Variants in PACS1 observed in about 807,000 individuals in gnomAD.
PACS1 encodes the protein phosphofurin acidic cluster sorting protein 1, also known as PACS-1.
Under a neutral mutation model 115.0 loss-of-function variants are expected in PACS1, and 24 were observed. The observed-to-expected ratio is 0.21, with a 90% CI of 0.15 to 0.29. PACS1 has a LOEUF of 0.29. PACS1 is among the 10% of genes least tolerant of loss of function. The pLI is 1.00. For missense variants in PACS1, 838 were observed against 1,251.2 expected, an observed-to-expected ratio of 0.67 and a Z score of 4.98; for synonymous variants, 453 against 504.5, an observed-to-expected ratio of 0.90 and a Z score of 1.37.
intron 1 of PACS1, among the ~76,000 whole-genome samples, chr11:66,124,517 T>C (rs1010381512): frequency 6.6e-6 from 1 of 152,336 alleles, no homozygotes; most frequent in East Asian, 1.9e-4. Flanking sequence ...GGGTCCACGT[T>C]TATGTATTGA....
At chr11:66,168,068 T>C (rs1169683545) in intron 1 of PACS1, among the ~76,000 whole-genome samples, 2 of 149,894 alleles carry the variant, frequency 1.3e-5, no homozygotes, top group African/African-American at 5.1e-5. Context: ...GCCTGGCTAC[T>C]TTTTAAAAAT....
At position 66,183,716 on chromosome 11, in the gene PACS1, G is replaced by T. The variant is rs114930806; in HGVS notation, c.357-9770G>T. On this transcript the variant is annotated intron_variant, in intron 1 of 23. Coordinates refer to ENST00000320580, the MANE Select transcript of PACS1 (RefSeq NM_018026.4). Reference sequence around the variant, plus strand: ...GCTTTATTGAGGTGGCAGTGTTACAGCACCGTGACTGCTCTGCAGAGCAGG... The same window carrying T: ...GCTTTATTGAGGTGGCAGTGTTACATCACCGTGACTGCTCTGCAGAGCAGG... 3.8e-3 allele frequency among the ~76,000 whole-genome samples: 573 copies of T among 152,316 alleles called. 3 individuals carry two copies. The highest frequency in any genetic ancestry group is 0.013 in the African/African-American group (541 of 41,556).
intron 9 of PACS1, 76 bp downstream of exon 9, chr11:66,220,867 G>A: frequency 6.9e-7 from 1 of 1,448,260 alleles, no homozygotes. Context: ...CTCCCTCGCT[G>A]TCCCCTCTAT....
Position 66,216,590 on chromosome 11 carries a change from T to C in PACS1, c.876T>C (p.Ser292=), listed in dbSNP as rs1297349024. The change falls in exon 6 of 24, where the codon AGT becomes AGC. Residue 292 remains serine (S), a synonymous_variant. Coordinates refer to ENST00000320580, the MANE Select transcript of PACS1 (RefSeq NM_018026.4). ...EESFSSEQEG[S]DDPLHGQDLF... ...GTTTCTCATCAGAACAGGAAGGCAG[T>C]GATGATCCATTGCATGGGCAGGTAA... 3 of 1,614,056 alleles carry C rather than the reference T, an allele frequency of 1.9e-6. No individual in the cohort carries two copies. Among genetic ancestry groups the C allele is most frequent in the Non-Finnish European group, 2.5e-6 (3 of 1,179,872 alleles).
intron 1 of PACS1, among the ~76,000 whole-genome samples, chr11:66,075,586 T>C (rs1857380701): frequency 6.6e-6 from 1 of 152,186 alleles, no homozygotes; most frequent in African/African-American, 2.4e-5. Context: ...TTACTTACCA[T>C]CCATTCTTAG....
At chr11:66,102,388 G>A (rs893318700) in intron 1 of PACS1, among the ~76,000 whole-genome samples, 2 of 151,754 alleles carry the variant, frequency 1.3e-5, no homozygotes, top group African/African-American at 2.4e-5. Context: ...GCAGTGGTGC[G>A]ATCTCGGCTC....
chr11:66,130,291 C>A (rs571576242), intron 1 of PACS1, among the ~76,000 whole-genome samples: 3 of 152,208 alleles, frequency 2.0e-5, no homozygotes, highest in African/African-American at 7.2e-5. Context: ...CCCTTCCTTA[C>A]CTGGTAAGTC....
chr11:66,135,119 G>A (rs1422774155), intron 1 of PACS1, among the ~76,000 whole-genome samples: 2 of 152,032 alleles, frequency 1.3e-5, no homozygotes, highest in African/African-American at 4.8e-5. Flanking sequence ...AGGATGGCTT[G>A]AACCCGGGAT....
chr11:66,104,827 A>G (rs1183007257), intron 1 of PACS1, among the ~76,000 whole-genome samples: 2 of 152,164 alleles, frequency 1.3e-5, no homozygotes, highest in African/African-American at 4.8e-5. Context: ...ATTTGATTTT[A>G]TATTGTGAAC....
chr11:66,143,662 CAG>C (rs1416982317), intron 1 of PACS1, among the ~76,000 whole-genome samples: 1 of 152,102 alleles, frequency 6.6e-6, no homozygotes, highest in African/African-American at 2.4e-5. Context: ...TTTTTTAAGA[CAG>C]AGTCTTACTC....
chr11:66,242,818 C>T (rs1045357517), intron 22 of PACS1, 94 bp from the exon 23 acceptor site: 5 of 1,561,600 alleles, frequency 3.2e-6, no homozygotes, highest in African/African-American at 1.4e-5. Flanking sequence ...ATCACCTCCC[C>T]TCGCCACAGG....
At chr11:66,194,253 C>T (rs938276737) in intron 2 of PACS1, among the ~76,000 whole-genome samples, 3 of 152,108 alleles carry the variant, frequency 2.0e-5, no homozygotes, top group East Asian at 1.9e-4. Context: ...CGTGAGCCAC[C>T]GCGCCCAGCC....
intron 1 of PACS1, among the ~76,000 whole-genome samples, chr11:66,146,743 T>C (rs1859132822): frequency 6.6e-6 from 1 of 152,174 alleles, no homozygotes; most frequent in Admixed American, 6.5e-5. Context: ...GGTCAAATAA[T>C]TGACAGGCAA....
At chr11:66,152,151 T>C (rs1425771036) in intron 1 of PACS1, among the ~76,000 whole-genome samples, 2 of 152,100 alleles carry the variant, frequency 1.3e-5, no homozygotes, top group African/African-American at 4.8e-5. Flanking sequence ...GGAGGATCGT[T>C]TGAGCCCAAG....
At chr11:66,085,596 G>A (rs2134505456) in intron 1 of PACS1, among the ~76,000 whole-genome samples, 1 of 152,274 alleles carries the variant, frequency 6.6e-6, no homozygotes, top group African/African-American at 2.4e-5. Flanking sequence ...TTGATGAAGT[G>A]AGTAGTATAA....
At chr11:66,214,408 C>T (rs1456188748) in intron 4 of PACS1, among the ~76,000 whole-genome samples, 1 of 152,088 alleles carries the variant, frequency 6.6e-6, no homozygotes, top group Non-Finnish European at 1.5e-5. Flanking sequence ...TAGGCCTGGC[C>T]TCACCCAGAC....
intron 1 of PACS1, chr11:66,120,981 C>T (rs1236531500): frequency 4.4e-6 from 2 of 456,034 alleles, no homozygotes; most frequent in Non-Finnish European, 4.4e-6. Context: ...CGGGCCCTAC[C>T]TCCTCCTTTT....
At chr11:66,189,886 G>T (rs1241563647) in intron 1 of PACS1, among the ~76,000 whole-genome samples, 1 of 152,158 alleles carries the variant, frequency 6.6e-6, no homozygotes, top group South Asian at 2.1e-4. Context: ...GAGAAACTAG[G>T]GGAAAGGCAC....
rs1857297453 is a variant in PACS1 at position 66,070,908 on chromosome 11, C to T, written c.356+66C>T. The T allele has an allele frequency of 3.0e-6, 4 of 1,347,850 alleles. No homozygotes were observed. Among genetic ancestry groups the T allele is most frequent in the South Asian group, 3.4e-5 (2 of 57,990 alleles). 83.5% of individuals were successfully genotyped at this position (1,347,850 alleles called of 1,614,324 possible). On this transcript the variant is annotated intron_variant, in intron 1 of 23. Coordinates refer to ENST00000320580, the MANE Select transcript of PACS1 (RefSeq NM_018026.4). The surrounding 1 kb of genome is among the most constrained non-coding windows in gnomAD (Gnocchi z 5.9). The stretch of plus-strand genomic sequence containing the variant: ...GTGGCCGCCGGGGCCCAGCCCTCCC[C>T]GCCCCAGCGCCCATGGGGTCCCCGC...
Sources: gnomAD v4.1 joint callset for allele counts (sites outside exome capture counted in the v4.1 genomes callset) on GRCh38, gnomAD v4.1.1 for gene constraint, Gnocchi (gnomAD v3.1) non-coding constraint, MANE v1.5 for transcripts, NCBI Gene and HGNC (gene_info 2026-07-23, HGNC 2026-07-21) for gene names.